Variants in SNX13 observed in about 807,000 individuals in gnomAD.
The protein encoded by SNX13 is sorting nexin-13.
SNX13 carries 45 observed loss-of-function variants against 133.6 expected under a neutral mutation model. The ratio of observed to expected loss-of-function variants is 0.34; its 90% confidence interval spans 0.27 to 0.43. The LOEUF (loss-of-function observed/expected upper bound fraction) is 0.43, where lower values mean the gene tolerates loss of function less well. Among genes scored for constraint, SNX13 ranks in the 20% least tolerant of loss-of-function variants. The pLI is 1.00. For missense variants in SNX13, 1,032 were observed against 1,145.1 expected (o/e 0.90, Z 1.43); for synonymous variants, 414 against 373.9 (o/e 1.11, Z -1.24).
At chr7:17,922,442 T>C (rs1800226039) in intron 1 of SNX13, among the ~76,000 whole-genome samples, 1 of 152,236 alleles carries the variant, frequency 6.6e-6, no homozygotes, top group Non-Finnish European at 1.5e-5. Context: ...CAGTGTTGTC[T>C]CATGCCAAGT....
At chr7:17,932,717 A>C (rs1372215910) in intron 1 of SNX13, among the ~76,000 whole-genome samples, 2 of 152,104 alleles carry the variant, frequency 1.3e-5, no homozygotes, top group Non-Finnish European at 2.9e-5. Flanking sequence ...CACCAGGTTG[A>C]CTCTTCAATT....
At chr7:17,817,753 A>C (rs186897556) in intron 18 of SNX13, among the ~76,000 whole-genome samples, 1 of 152,190 alleles carries the variant, frequency 6.6e-6, no homozygotes, top group East Asian at 1.9e-4. Flanking sequence ...GAAAAAAAAA[A>C]TTTTCGAAGT....
chr7:17,813,854 G>A (rs967708986), intron 20 of SNX13, among the ~76,000 whole-genome samples: 1 of 152,074 alleles, frequency 6.6e-6, no homozygotes, highest in African/African-American at 2.4e-5. Flanking sequence ...CCAAAGCGCT[G>A]GGATTACAGG....
At chr7:17,869,881 C>G (rs113987789) in intron 8 of SNX13, among the ~76,000 whole-genome samples, 1 of 46,224 alleles carries the variant, frequency 2.2e-5, no homozygotes, top group Non-Finnish European at 4.2e-5. Flanking sequence ...CACACACAGA[C>G]ACACACACAC....
At chr7:17,805,653 G>C (rs149969117) in intron 20 of SNX13, among the ~76,000 whole-genome samples, 286 of 152,250 alleles carry the variant, frequency 1.9e-3, no homozygotes, top group African/African-American at 6.5e-3. Context: ...GCAGAAACTT[G>C]AGTTTACCTA....
intron 13 of SNX13, among the ~76,000 whole-genome samples, chr7:17,835,510 T>C (rs894585137): frequency 6.6e-6 from 1 of 151,972 alleles, no homozygotes; most frequent in South Asian, 2.1e-4. Context: ...AATACAAAAT[T>C]TGACATTTCA....
chr7:17,913,760 C>CAAAAAAAAAAAAAAAAAAAAAA (rs71010278), intron 1 of SNX13, among the ~76,000 whole-genome samples: 2 of 54,074 alleles, frequency 3.7e-5, no homozygotes, highest in Non-Finnish European at 6.2e-5. Flanking sequence ...TTAACAAAAA[C>CAAAAAAAAAAAAAAAAAAAAAA]AAAAAAAAAA....
chr7:17,828,008 T>C lies in SNX13; in HGVS notation c.1636-1917A>G, dbSNP rs142483227. Among the ~76,000 whole-genome samples the C allele has an allele frequency of 4.9e-3, 747 of 151,888 alleles. 5 individuals are homozygous for C. The highest frequency in any genetic ancestry group is 0.017 in the African/African-American group (720 of 41,538). On this transcript the variant is annotated intron_variant, in intron 16 of 25. Transcript: ENST00000428135. ...AATAATGGTAACCTTCCCTTGTATG[T>C]TAACATTTAACATGCTAAATGTACT...
At position 17,791,259 on chromosome 7, in the gene SNX13, ATTC is replaced by A. The variant is rs1458871725; in HGVS notation, c.*2783_*2785del. 1.3e-5 allele frequency: 2 copies of A among 151,956 alleles called. No homozygotes were observed. The highest frequency in any genetic ancestry group is 2.9e-5 in the Non-Finnish European group (2 of 67,888). 9.4% of individuals were successfully genotyped at this position (151,956 alleles called of 1,614,324 possible). On this transcript the variant is annotated 3_prime_UTR_variant, in exon 26 of 26. Transcript: ENST00000428135. ...AATTTTAGATTGTGAAATTTATATC[ATTC>A]TTAATTTTTATAAAAATTGGTACAC...
At chr7:17,868,330 C>A in intron 9 of SNX13, 77 bp downstream of exon 9, 5 of 977,214 alleles carry the variant, frequency 5.1e-6, no homozygotes, top group Non-Finnish European at 7.7e-6. Context: ...ACTGCTTAAA[C>A]ACCCTATCTC....
At chr7:17,840,144 T>A in intron 12 of SNX13, 144 bp from the exon 13 acceptor site, 1 of 608,022 alleles carries the variant, frequency 1.6e-6, no homozygotes, top group Non-Finnish European at 2.5e-6. Flanking sequence ...ATCCCTGAGG[T>A]GAAAATATAG....
At chr7:17,915,455 C>G (rs1183406944) in intron 1 of SNX13, among the ~76,000 whole-genome samples, 1 of 152,202 alleles carries the variant, frequency 6.6e-6, no homozygotes, top group African/African-American at 2.4e-5. Context: ...GTAAGCCCGT[C>G]AATGATATGC....
chr7:17,847,364 T>TCAA lies in SNX13; in HGVS notation c.1066-1671_1066-1670insTTG, dbSNP rs1174999727. Among the ~76,000 whole-genome samples the TCAA allele has an allele frequency of 9.9e-5, 15 of 152,274 alleles. 1 individual carries two copies. The East Asian group carries it at 2.9e-3, about 29-fold the overall frequency. On this transcript the variant is annotated intron_variant, in intron 11 of 25. Transcript: ENST00000428135. The stretch of plus-strand genomic sequence containing the variant: ...TTGTTTTTTTGAGACGGAGTGTCGC[T>TCAA]CTTGTTGCCCAGGCTGGAGTGCAAT...
At chr7:17,916,542 C>A (rs1385475230) in intron 1 of SNX13, among the ~76,000 whole-genome samples, 1 of 151,846 alleles carries the variant, frequency 6.6e-6, no homozygotes, top group Non-Finnish European at 1.5e-5. Context: ...TGTACACAAA[C>A]AAGAAAATCT....
At chr7:17,871,499 A>T (rs1188625825) in intron 8 of SNX13, among the ~76,000 whole-genome samples, 2 of 152,092 alleles carry the variant, frequency 1.3e-5, no homozygotes, top group Admixed American at 1.3e-4. Flanking sequence ...TCATCTTTTC[A>T]TTGCAGTTTT....
chr7:17,885,246 A>G (rs562902276), intron 5 of SNX13, among the ~76,000 whole-genome samples: 1 of 151,764 alleles, frequency 6.6e-6, no homozygotes, highest in East Asian at 1.9e-4. Flanking sequence ...AAAAGACCAC[A>G]TATATTATTT....
chr7:17,919,392 A>G (rs1254033870), intron 1 of SNX13, among the ~76,000 whole-genome samples: 2 of 152,236 alleles, frequency 1.3e-5, no homozygotes, highest in African/African-American at 2.4e-5. Flanking sequence ...TTCCTCAGAA[A>G]GCAGCTTCGA....
At chr7:17,935,441 A>C (rs936175463) in intron 1 of SNX13, among the ~76,000 whole-genome samples, 4 of 152,208 alleles carry the variant, frequency 2.6e-5, no homozygotes, top group African/African-American at 9.7e-5. Flanking sequence ...TAGATCAATT[A>C]AACAACTGTC....
At chr7:17,853,243 G>A (rs1228095213) in intron 9 of SNX13, among the ~76,000 whole-genome samples, 2 of 152,300 alleles carry the variant, frequency 1.3e-5, no homozygotes, top group Non-Finnish European at 2.9e-5. Flanking sequence ...AACCAGTGTT[G>A]TGGTGTCAAT....
Sources: gnomAD v4.1 joint callset for allele counts (sites outside exome capture counted in the v4.1 genomes callset) on GRCh38, gnomAD v4.1.1 for gene constraint, MANE v1.5 for transcripts, NCBI Gene and HGNC (gene_info 2026-07-23, HGNC 2026-07-21) for gene names.